ABCA12: variants seen among roughly 807,000 people sequenced by gnomAD.
ABCA12 encodes the protein ATP binding cassette subfamily A member 12, also known as glucosylceramide transporter ABCA12.
Under a neutral mutation model 293.5 loss-of-function variants are expected in ABCA12, and 156 were observed. That is an observed-to-expected ratio of 0.53 (90% CI 0.47 to 0.61). The LOEUF (loss-of-function observed/expected upper bound fraction) is 0.61, where lower values mean the gene tolerates loss of function less well. Ranked by LOEUF, ABCA12 falls within the 20% of genes least tolerant of loss-of-function variation. The pLI is 0.00. For synonymous variants in ABCA12, 1,063 were observed against 1,108.0 expected, an observed-to-expected ratio of 0.96 and a Z score of 0.81; for missense variants, 2,797 against 3,090.2, an observed-to-expected ratio of 0.91 and a Z score of 2.25.
At chr2:215,113,939 A>G (rs1034498503) in intron 1 of ABCA12, among the ~76,000 whole-genome samples, 2 of 152,186 alleles carry the variant, frequency 1.3e-5, no homozygotes, top group Non-Finnish European at 2.9e-5. Context: ...TTTATTTAAT[A>G]CTACAATAAA....
At chr2:214,955,401 G>A (rs748439639) in intron 42 of ABCA12, 40 bp from the exon 43 acceptor site, 59 of 1,605,240 alleles carry the variant, frequency 3.7e-5, no homozygotes, top group Middle Eastern at 1.6e-4. Context: ...TTACGCCTCG[G>A]CCAGGCATGG....
chr2:214,999,906 C>G, intron 22 of ABCA12: 1 of 784,132 alleles, frequency 1.3e-6, no homozygotes, highest in Non-Finnish European at 1.5e-6. Flanking sequence ...AAAGAAAAAT[C>G]CAATACCATC....
intron 23 of ABCA12, among the ~76,000 whole-genome samples, chr2:214,995,373 C>T (rs1023222898): frequency 6.6e-6 from 1 of 152,170 alleles, no homozygotes; most frequent in Non-Finnish European, 1.5e-5. Context: ...TAAAAAGTGA[C>T]TTTGAGTTTC....
At chr2:214,975,759 C>A (rs569447288) in intron 34 of ABCA12, 26 bp downstream of exon 34, 1 of 1,613,904 alleles carries the variant, frequency 6.2e-7, no homozygotes, top group East Asian at 2.2e-5. Flanking sequence ...TGGAAACATT[C>A]TTTTAGTTAA....
Position 214,998,770 on chromosome 2 carries a change from T to C in ABCA12, c.3180-961A>G, listed in dbSNP as rs573934442. On this transcript the variant is annotated intron_variant, in intron 22 of 52. Coordinates refer to ENST00000272895, the MANE Select transcript of ABCA12 (RefSeq NM_173076.3). ...TAAACAACTTCCCAGGTGATACTGA[T>C]GCTGCTGGTCCAGAGACCACACCTT... 2.0e-5 allele frequency among the ~76,000 whole-genome samples: 3 copies of C among 152,330 alleles called. No individual in the cohort carries two copies. The South Asian group carries it at 6.2e-4, about 32-fold the overall frequency.
chr2:215,010,647 T>A (rs1229696303), intron 17 of ABCA12, among the ~76,000 whole-genome samples, 177 bp from the exon 18 acceptor site: 1 of 152,142 alleles, frequency 6.6e-6, no homozygotes, highest in Non-Finnish European at 1.5e-5. Context: ...GTAACCAATC[T>A]TTTTTAGGTG....
chr2:215,106,466 T>C (rs1218735674), intron 2 of ABCA12, among the ~76,000 whole-genome samples: 1 of 152,166 alleles, frequency 6.6e-6, no homozygotes, highest in East Asian at 1.9e-4. Context: ...ATGACCCAGA[T>C]AAAACCATCT....
rs559793106 is a variant in ABCA12 at position 214,965,203 on chromosome 2, C to T, written c.5884+1645G>A. Among the ~76,000 whole-genome samples the T allele has an allele frequency of 3.9e-5, 6 of 152,266 alleles. No homozygotes were observed. The South Asian group carries it at 1.2e-3, about 32-fold the overall frequency. On this transcript the variant is annotated intron_variant, in intron 39 of 52. Coordinates refer to ENST00000272895, the MANE Select transcript of ABCA12 (RefSeq NM_173076.3). ...CAGAAAATTGAAACTGGACCCCTTT[C>T]TTACACCATATTCAAAAATTAACTC... is the stretch of plus-strand genomic sequence containing the variant.
At chr2:214,932,817 C>T in intron 52 of ABCA12, 76 bp from the exon 53 acceptor site, 1 of 997,022 alleles carries the variant, frequency 1.0e-6, no homozygotes. Context: ...CATTCTCTCT[C>T]TCTCCCCTTC....
In ABCA12 at chr2:214,945,075, C is replaced by A; in HGVS notation, c.7269G>T (p.Lys2423Asn). Residue 2423 changes from lysine (K) to asparagine (N), a missense_variant, in exon 49 of 53, where the codon AAG becomes AAT. Coordinates refer to ENST00000272895, the MANE Select transcript of ABCA12 (RefSeq NM_173076.3). ...TGATCTTCCAGAGGTGCCGTTTCGA[C>A]TTCGGATCCATGCCAGAGCTCGGCT... ...LDEPSSGMDP[K>N]SKRHLWKIIS... The A allele has an allele frequency of 6.2e-7, 1 of 1,613,690 alleles. No homozygotes were observed. Among genetic ancestry groups the A allele is most frequent in the Non-Finnish European group, 8.5e-7 (1 of 1,179,870 alleles).
intron 7 of ABCA12, among the ~76,000 whole-genome samples, chr2:215,039,583 G>A (rs1396420521): frequency 6.6e-6 from 1 of 151,946 alleles, no homozygotes; most frequent in African/African-American, 2.4e-5. Context: ...GTGAGACACC[G>A]TCTCTACTAA....
intron 22 of ABCA12, chr2:214,999,987 CA>C (rs1700107285): frequency 4.9e-6 from 1 of 202,960 alleles, no homozygotes; most frequent in Non-Finnish European, 8.7e-6. Context: ...TATTCAGCCT[CA>C]AGCTTTTATA....
chr2:214,955,513 C>A, intron 42 of ABCA12, 152 bp from the exon 43 acceptor site: 1 of 705,922 alleles, frequency 1.4e-6, no homozygotes, highest in Non-Finnish European at 2.4e-6. Flanking sequence ...AAAACCCTGT[C>A]TCTACAGAAA....
rs1231806387 is a variant in ABCA12 at position 215,046,373 on chromosome 2, A to G, written c.694-358T>C. On this transcript the variant is annotated intron_variant, in intron 6 of 52. Coordinates refer to ENST00000272895, the MANE Select transcript of ABCA12 (RefSeq NM_173076.3). ...TAGGACTTGGTTTAGGGTTGCAGAT[A>G]TATCTTCCCTATACTTATTACTAGG... Among the ~76,000 whole-genome samples, 32 of 150,496 alleles carry G rather than the reference A, an allele frequency of 2.1e-4. 1 individual carries two copies. Among genetic ancestry groups the G allele is most frequent in the Admixed American group, 2.1e-3 (32 of 15,070 alleles).
At position 214,945,017 on chromosome 2, in the gene ABCA12, T is replaced by G; in HGVS notation, c.7327A>C (p.Ile2443Leu). ...TCAGTTTACCTGTGAGATGTGAGGA[T>G]GACGGAACATTTGTTCTGTACTTCT... The part of the protein sequence containing the change: ...SEEVQNKCSV[I>L]LTSHSMEECE... Residue 2443 changes from isoleucine to leucine, a missense_variant, in exon 49 of 53, where the codon ATC becomes CTC. By Grantham distance (5) the Ile-to-Leu change is conservative (BLOSUM62 2). Coordinates refer to ENST00000272895, the MANE Select transcript of ABCA12 (RefSeq NM_173076.3). 1 of 1,613,624 alleles carries G rather than the reference T, an allele frequency of 6.2e-7. No individual in the cohort carries two copies. Among genetic ancestry groups the G allele is most frequent in the Non-Finnish European group, 8.5e-7 (1 of 1,179,790 alleles).
At chr2:215,069,231 T>G (rs1315936128) in intron 2 of ABCA12, among the ~76,000 whole-genome samples, 1 of 152,114 alleles carries the variant, frequency 6.6e-6, no homozygotes, top group Admixed American at 6.6e-5. Flanking sequence ...GAGCATTTTT[T>G]TTTTTCTTAA....
rs563019972 is a variant in ABCA12 at position 214,989,992 on chromosome 2, A to G, written c.3625-371T>C. 5.9e-5 allele frequency among the ~76,000 whole-genome samples: 9 copies of G among 152,354 alleles called. No individual in the cohort carries two copies. In the South Asian group the frequency reaches 1.9e-3, roughly 32 times the overall value. ...GCCAGAAGGCATTTTCACTCCATAC[A>G]TTTATTTCAGGTAATAGAAGTACTA... On this transcript the variant is annotated intron_variant, in intron 24 of 52. Transcript: ENST00000272895.
At chr2:214,987,856 A>G in intron 26 of ABCA12, 63 bp from the exon 27 acceptor site, 1 of 1,570,642 alleles carries the variant, frequency 6.4e-7, no homozygotes, top group Non-Finnish European at 8.7e-7. Flanking sequence ...ATCATCAGAA[A>G]CAAAACAGTA....
intron 41 of ABCA12, 93 bp from the exon 42 acceptor site, chr2:214,956,871 G>C: frequency 3.7e-6 from 3 of 808,436 alleles, no homozygotes; most frequent in Non-Finnish European, 6.3e-6. Context: ...ACTGCAACAA[G>C]TTGACCTAGA....
Sources: gnomAD v4.1 joint callset for allele counts (sites outside exome capture counted in the v4.1 genomes callset) on GRCh38, gnomAD v4.1.1 for gene constraint, MANE v1.5 for transcripts, NCBI Gene and HGNC (gene_info 2026-07-23, HGNC 2026-07-21) for gene names.